RPL13A: variants seen among roughly 807,000 people sequenced by gnomAD.
The protein encoded by RPL13A is large ribosomal subunit protein uL13.
RPL13A carries 4 observed loss-of-function variants against 30.8 expected under a neutral mutation model. The ratio of observed to expected loss-of-function variants is 0.13; its 90% CI spans 0.06 to 0.30. RPL13A has a LOEUF of 0.30. RPL13A is among the 10% of genes least tolerant of loss of function. RPL13A has a pLI of 1.00. For missense variants in RPL13A, 196 were observed against 272.6 expected (o/e 0.72, Z 1.98); for synonymous variants, 108 against 104.2 (o/e 1.04, Z -0.22).
In RPL13A at chr19:49,490,218, T is replaced by C. The variant is rs2079851786; in HGVS notation, c.89-14T>C. 1 of 1,613,882 alleles carries C rather than the reference T, an allele frequency of 6.2e-7. No individual in the cohort carries two copies. ...CAGGCGGCTCGGCCCTGCTAAGCCT[T>C]TCCCTCCCTCTAGGCCGGAAGGTGG... On this transcript the variant is annotated splice_polypyrimidine_tract_variant and intron_variant, in intron 2 of 7. Transcript: ENST00000391857.
intron 1 of RPL13A, 151 bp downstream of exon 1, chr19:49,487,795 G>A: frequency 3.5e-6 from 3 of 856,132 alleles, no homozygotes; most frequent in Non-Finnish European, 3.4e-6. Flanking sequence ...GAATCTGTAG[G>A]AAATGCCGCG....
At chr19:49,491,199 A>G (rs377192433) in intron 6 of RPL13A, 100 bp downstream of exon 6, 2 of 1,412,444 alleles carry the variant, frequency 1.4e-6, no homozygotes, top group African/African-American at 2.8e-5. Context: ...TTATCTCACG[A>G]TGGTCTGCGG....
At chr19:49,491,625 C>T (rs914497936) in intron 7 of RPL13A, 78 bp downstream of exon 7, 120 of 1,561,792 alleles carry the variant, frequency 7.7e-5, no homozygotes, top group Non-Finnish European at 9.4e-5. Flanking sequence ...ACAGAGTACT[C>T]TTAACTGGCA....
intron 1 of RPL13A, among the ~76,000 whole-genome samples, chr19:49,488,321 C>T (rs547660404): frequency 6.6e-6 from 1 of 152,226 alleles, no homozygotes; most frequent in African/African-American, 2.4e-5. Flanking sequence ...CACCTGGGGG[C>T]CCTTTCCCTG....
intron 4 of RPL13A, 46 bp downstream of exon 4, chr19:49,490,622 G>T: frequency 6.2e-7 from 1 of 1,600,506 alleles, no homozygotes; most frequent in Non-Finnish European, 8.6e-7. Context: ...CAGGCGGCCG[G>T]TGATGAGAAC....
rs1275807075 is a variant in RPL13A at position 49,487,658 on chromosome 19, G to C, written c.15+14G>C. 1 of 1,529,352 alleles carries C rather than the reference G, an allele frequency of 6.5e-7. No individual in the cohort carries two copies. Among genetic ancestry groups the C allele is most frequent in the Non-Finnish European group, 8.8e-7 (1 of 1,140,940 alleles). 94.7% of individuals were successfully genotyped at this position (1,529,352 alleles called of 1,614,324 possible). ...GCGGAGGTGCAGGTATGGGCTCCGC[G>C]CGGGCCGGGGCGGCAAGGGGCCGGG... is the stretch of plus-strand genomic sequence containing the variant. On this transcript the variant is annotated intron_variant, in intron 1 of 7. Coordinates refer to ENST00000391857, the MANE Select transcript of RPL13A (RefSeq NM_012423.4).
Position 49,491,021 on chromosome 19 carries a change from C to T in RPL13A, c.343-19C>T, listed in dbSNP as rs550239780. 18 of 1,614,224 alleles carry T rather than the reference C, an allele frequency of 1.1e-5. No homozygotes were observed. In the East Asian group the frequency reaches 3.6e-4, roughly 32 times the overall value. ...GTCTGTCCCTCCCGGGCTCTTAAGCCCCTCTCTTTCTCTAACAGAAAAAGC... is the reference window on the plus strand; with the variant it reads ...GTCTGTCCCTCCCGGGCTCTTAAGCTCCTCTCTTTCTCTAACAGAAAAAGC... On this transcript the variant is annotated intron_variant, in intron 5 of 7. Transcript: ENST00000391857.
rs1438655059 is a variant in RPL13A, at chr19:49,491,288, C to T, written c.403-137C>T. On this transcript the variant is annotated intron_variant, in intron 6 of 7. Transcript: ENST00000391857. The stretch of plus-strand genomic sequence containing the variant: ...TTGGGTGGGTGCTTTTCTAACAGGC[C>T]TGCAGAGAACAGTTGCATTATGATA... 9.6e-6 allele frequency: 11 copies of T among 1,150,412 alleles called. No individual in the cohort carries two copies. The South Asian group carries it at 1.2e-4, about 13-fold the overall frequency. The allele number at this position is 1,150,412 out of a possible 1,614,324, so 71.3% of individuals were successfully genotyped here.
chr19:49,491,361 A>G (rs1344553183), intron 6 of RPL13A, 64 bp from the exon 7 acceptor site: 4 of 1,343,438 alleles, frequency 3.0e-6, no homozygotes, highest in African/African-American at 1.5e-5. Flanking sequence ...CCGGCTCTTC[A>G]GGGTGTGGGG....
rs1413542004 is a variant in RPL13A, at chr19:49,491,443, C to G, written c.421C>G (p.Leu141Val). 1.8e-6 allele frequency: 2 copies of G among 1,138,992 alleles called. No individual in the cohort carries two copies. Among genetic ancestry groups the G allele is most frequent in the South Asian group, 1.3e-5 (1 of 78,138 alleles). 70.6% of individuals were successfully genotyped at this position (1,138,992 alleles called of 1,614,324 possible). Residue 141 changes from leucine to valine, a missense_variant, in exon 7 of 8, where the codon CTG becomes GTG. Physicochemically the swap from Leu to Val is conservative, Grantham distance 32. Transcript: ENST00000391857. ...CCCGCAGTTTGCCTATCTGGGGCGC[C>G]TGGCTCACGAGGTTGGCTGGAAGTA... ...PTRKFAYLGR[L>V]AHEVGWKYQA...
At chr19:49,491,663 G>A in intron 7 of RPL13A, 66 bp from the exon 8 acceptor site, 2 of 1,580,332 alleles carry the variant, frequency 1.3e-6, no homozygotes, top group Non-Finnish European at 1.7e-6. Flanking sequence ...GGGGTGGGAT[G>A]CAGTCCATGT....
intron 1 of RPL13A, among the ~76,000 whole-genome samples, chr19:49,488,577 G>C (rs2079832605): frequency 6.6e-6 from 1 of 152,250 alleles, no homozygotes; most frequent in African/African-American, 2.4e-5. Context: ...TGGAATTGGT[G>C]ATTTTGGGCC....
At position 49,489,844 on chromosome 19, in the gene RPL13A, C is replaced by A. The variant is rs2079846705; in HGVS notation, c.16-6C>A. ...CTCTGAGTCCTTTTGCCCTTGTCTC[C>A]CACAGGTCCTGGTGCTTGATGGTCG... On this transcript the variant is annotated splice_region_variant and splice_polypyrimidine_tract_variant and intron_variant, in intron 1 of 7. Coordinates refer to ENST00000391857, the MANE Select transcript of RPL13A (RefSeq NM_012423.4). The A allele has an allele frequency of 6.2e-7, 1 of 1,612,322 alleles. No individual in the cohort carries two copies. The highest frequency in any genetic ancestry group is 1.3e-5 in the African/African-American group (1 of 74,588).
At position 49,492,044 on chromosome 19, in the gene RPL13A, A is replaced by G; in HGVS notation, c.*229A>G. The G allele has an allele frequency of 2.0e-6, 1 of 503,982 alleles. No individual in the cohort carries two copies. The allele number at this position is 503,982 out of a possible 1,614,324, so 31.2% of individuals were successfully genotyped here. A position where few individuals can be genotyped will look rare whatever the true frequency, so the allele number is the denominator to read the frequency against. ...TCTATGACCAATAGGAAGAGCAACCAGTTACTATGAGTGAAAGGGAGCCAG... is the reference window on the plus strand; with the variant it reads ...TCTATGACCAATAGGAAGAGCAACCGGTTACTATGAGTGAAAGGGAGCCAG... On this transcript the variant is annotated 3_prime_UTR_variant, in exon 8 of 8. Coordinates refer to ENST00000391857, the MANE Select transcript of RPL13A (RefSeq NM_012423.4).
intron 3 of RPL13A, 42 bp from the exon 4 acceptor site, chr19:49,490,433 G>A: frequency 1.2e-6 from 2 of 1,605,276 alleles, no homozygotes; most frequent in Non-Finnish European, 1.7e-6. Flanking sequence ...TTTTGGGGGT[G>A]CTGGTAGACT....
chr19:49,489,771 A>C (rs2079845734), intron 1 of RPL13A, 79 bp from the exon 2 acceptor site: 4 of 1,201,274 alleles, frequency 3.3e-6, no homozygotes, highest in Admixed American at 1.7e-5. Context: ...ACGGTAGGAC[A>C]AAAGAAGGGA....
At chr19:49,489,803 C>G (rs771336653) in intron 1 of RPL13A, 47 bp from the exon 2 acceptor site, 1 of 1,454,872 alleles carries the variant, frequency 6.9e-7, no homozygotes, top group Non-Finnish European at 9.7e-7. Flanking sequence ...TGAGGACAAT[C>G]AAAGGCTGTC....
At chr19:49,490,717 G>C (rs2079857731) in intron 4 of RPL13A, 62 bp from the exon 5 acceptor site, 1 of 1,578,178 alleles carries the variant, frequency 6.3e-7, no homozygotes, top group African/African-American at 1.3e-5. Flanking sequence ...GCCCACCTCA[G>C]TGGGGTGGGT....
chr19:49,492,084 G>A lies in RPL13A; in HGVS notation c.*269G>A, dbSNP rs190588011. The A allele has an allele frequency of 1.1e-3, 456 of 417,748 alleles. 1 individual carries two copies. Among genetic ancestry groups the A allele is most frequent in the African/African-American group, 8.6e-3 (426 of 49,516 alleles). 25.9% of individuals were successfully genotyped at this position (417,748 alleles called of 1,614,324 possible). ...AAGGGAGCCAGAAGACTGATTGGAGGGCCCTATCTTGTGAGTGGGGCATCT... is the reference window on the plus strand; with the variant it reads ...AAGGGAGCCAGAAGACTGATTGGAGAGCCCTATCTTGTGAGTGGGGCATCT... On this transcript the variant is annotated 3_prime_UTR_variant, in exon 8 of 8. Coordinates refer to ENST00000391857, the MANE Select transcript of RPL13A (RefSeq NM_012423.4).
Sources: allele counts gnomAD v4.1 joint callset (sites outside exome capture counted in the v4.1 genomes callset), GRCh38; gene constraint gnomAD v4.1.1; transcripts MANE v1.5; gene names NCBI Gene and HGNC (gene_info 2026-07-23, HGNC 2026-07-21).